The following NOS1 variants were observed in gnomAD, a reference collection of about 807,000 sequenced individuals.
The protein encoded by NOS1 is nitric oxide synthase 1.
Under a neutral mutation model 164.5 loss-of-function variants are expected in NOS1, and 51 were observed. That is an observed-to-expected ratio of 0.31 (90% CI 0.25 to 0.39). The LOEUF is 0.39. Ranked by LOEUF, NOS1 falls within the 10% of genes least tolerant of loss-of-function variation. The pLI is 1.00. For synonymous variants in NOS1, 719 were observed against 745.8 expected (o/e 0.96, Z 0.59); for missense variants, 1,362 against 1,885.6 (o/e 0.72, Z 5.14).
At chr12:117,250,578 C>T (rs1358642535) in intron 17 of NOS1, among the ~76,000 whole-genome samples, 1 of 152,196 alleles carries the variant, frequency 6.6e-6, no homozygotes, top group Non-Finnish European at 1.5e-5. Flanking sequence ...ATCCACACAC[C>T]TTGGCCTCCC....
chr12:117,215,869 CTTTTTTTTTT>C (rs34665031), intron 28 of NOS1, among the ~76,000 whole-genome samples: 1 of 85,428 alleles, frequency 1.2e-5, no homozygotes, highest in Non-Finnish European at 2.1e-5. Flanking sequence ...TTTAAAAGGA[CTTTTTTTTTT>C]TTTTTTTTTT....
intron 7 of NOS1, among the ~76,000 whole-genome samples, chr12:117,281,519 C>CA (rs56248436): frequency 0.39 from 19,592 of 50,594 alleles, 4,351 homozygotes; most frequent in East Asian, 0.47. Context: ...GACTCCATCT[C>CA]AAAAAAAAAA....
intron 2 of NOS1, among the ~76,000 whole-genome samples, chr12:117,316,071 G>A (rs1485198998): frequency 6.6e-6 from 1 of 152,190 alleles, no homozygotes; most frequent in African/African-American, 2.4e-5. Context: ...TATTGTCATG[G>A]AGGAACTAAA....
At chr12:117,289,347 G>A (rs1872899667) in intron 4 of NOS1, among the ~76,000 whole-genome samples, 1 of 152,200 alleles carries the variant, frequency 6.6e-6, no homozygotes, top group Admixed American at 6.5e-5. Context: ...TCCACCAGTG[G>A]TTCTCAAACA....
intron 3 of NOS1, among the ~76,000 whole-genome samples, chr12:117,303,408 A>G (rs923388325): frequency 6.6e-6 from 1 of 152,194 alleles, no homozygotes; most frequent in Non-Finnish European, 1.5e-5. Context: ...AGCAGCTAGC[A>G]AGCCCTGCGT....
chr12:117,277,686 C>T (rs1484028636), intron 9 of NOS1, among the ~76,000 whole-genome samples: 1 of 152,176 alleles, frequency 6.6e-6, no homozygotes, highest in African/African-American at 2.4e-5. Context: ...TCTTTCAATG[C>T]TTAGGGCTGG....
chr12:117,211,562 G>A lies in NOS1; in HGVS notation c.*3747C>T, dbSNP rs542571456. ...TGTAATGCCACTCACCTCTCCCCAC[G>A]GTCTGGTCCCAGCCCACCTTTTCTC... On this transcript the variant is annotated 3_prime_UTR_variant, in exon 29 of 29. Transcript: ENST00000317775. The A allele has an allele frequency of 2.1e-5, 21 of 985,338 alleles. No individual in the cohort carries two copies. Among genetic ancestry groups the A allele is most frequent in the Admixed American group, 1.8e-4 (3 of 16,254 alleles). 61.0% of individuals were successfully genotyped at this position (985,338 alleles called of 1,614,324 possible).
chr12:117,221,934 A>C (rs1259332166), intron 26 of NOS1, among the ~76,000 whole-genome samples: 1 of 149,902 alleles, frequency 6.7e-6, no homozygotes, highest in African/African-American at 2.5e-5. Context: ...TGCTGGGATT[A>C]CAGGCGTGAG....
chr12:117,332,507 G>A lies in NOS1; in HGVS notation c.-420-1018C>T, dbSNP rs566906452. 9.2e-5 allele frequency among the ~76,000 whole-genome samples: 14 copies of A among 152,100 alleles called. No homozygotes were observed. In the East Asian group the frequency reaches 2.1e-3, roughly 23 times the overall value. ...TTTGGGAGGCTGAGGTGGGAGGATC[G>A]CATTAGCCCAGGAGTTTGAGACCAG... On this transcript the variant is annotated intron_variant, in intron 1 of 28. Transcript: ENST00000317775.
chr12:117,237,756 G>A (rs948886174), intron 20 of NOS1, among the ~76,000 whole-genome samples: 2 of 152,148 alleles, frequency 1.3e-5, no homozygotes, highest in African/African-American at 4.8e-5. Flanking sequence ...AGGTAACAAG[G>A]TTCATTCATT....
Position 117,272,547 on chromosome 12 carries a change from G to C in NOS1, c.1677C>G (p.Phe559Leu). Reference protein sequence around the residue: ...VPIRHPKFEWFKDLGLKWYGL... With the variant: ...VPIRHPKFEWLKDLGLKWYGL... ...CGTACCACTTCAGCCCCAGGTCCTT[G>C]AACCACTCAAACCTGCAGGGAGCAA... is the stretch of plus-strand genomic sequence containing the variant. Residue 559 changes from phenylalanine to leucine, a missense_variant, in exon 10 of 29, where the codon TTC becomes TTG. By Grantham distance (22) the Phe-to-Leu change is conservative. This residue lies in a region of NOS1 where 134 missense variants were observed against 267.3 expected (regional missense o/e 0.50). Coordinates refer to ENST00000317775, the MANE Select transcript of NOS1 (RefSeq NM_000620.5). The surrounding 1 kb of genome is among the most constrained non-coding windows in gnomAD (Gnocchi z 4.3). The C allele has an allele frequency of 6.2e-7, 1 of 1,613,970 alleles. No homozygotes were observed. Among genetic ancestry groups the C allele is most frequent in the South Asian group, 1.1e-5 (1 of 91,044 alleles).
intron 1 of NOS1, among the ~76,000 whole-genome samples, chr12:117,360,441 C>A (rs1877081027): frequency 6.6e-6 from 1 of 152,260 alleles, no homozygotes; most frequent in Non-Finnish European, 1.5e-5. Context: ...CAGCCCCGAA[C>A]CGTGGCGGAA....
At chr12:117,340,402 C>T (rs1184642161) in intron 1 of NOS1, among the ~76,000 whole-genome samples, 1 of 152,134 alleles carries the variant, frequency 6.6e-6, no homozygotes, top group Non-Finnish European at 1.5e-5. Context: ...GCTTTGTGAT[C>T]GTGGGCAAGT....
chr12:117,234,655 C>T lies in NOS1; in HGVS notation c.3145G>A (p.Val1049Met), dbSNP rs1178704994. Residue 1049 changes from valine to methionine, a missense_variant, in exon 21 of 29, where the codon GTG becomes ATG. By Grantham distance (21) the Val-to-Met change is conservative (BLOSUM62 1). Coordinates refer to ENST00000317775, the MANE Select transcript of NOS1 (RefSeq NM_000620.5). This position sits in a 1 kb window ranked among gnomAD's most constrained non-coding sequence, Gnocchi z 4.3. ...TCCAGCCGCTCGATCAGGGCATTCA[C>T]GAGGTCCTCGTGGTTGCCAGGGAAG... ...GVFPGNHEDL[V>M]NALIERLEDA... 1.2e-6 allele frequency: 2 copies of T among 1,614,078 alleles called. No individual in the cohort carries two copies. Among genetic ancestry groups the T allele is most frequent in the Non-Finnish European group, 8.5e-7 (1 of 1,180,040 alleles).
Position 117,209,631 on chromosome 12 carries a change from A to T in NOS1, c.*5678T>A. On this transcript the variant is annotated 3_prime_UTR_variant, in exon 29 of 29. Transcript: ENST00000317775. The stretch of plus-strand genomic sequence containing the variant: ...GAACAAAACAAACTCATATAAACAT[A>T]CTAAGGCATATTGACAGCTGACCAC... 1 of 985,496 alleles carries T rather than the reference A, an allele frequency of 1.0e-6. No homozygotes were observed. Among genetic ancestry groups the T allele is most frequent in the Non-Finnish European group, 1.2e-6 (1 of 829,942 alleles). The allele number at this position is 985,496 out of a possible 1,614,324, so 61.0% of individuals were successfully genotyped here.
chr12:117,354,771 T>A (rs542301968), intron 1 of NOS1, among the ~76,000 whole-genome samples: 2 of 152,322 alleles, frequency 1.3e-5, no homozygotes, highest in South Asian at 4.1e-4. Flanking sequence ...GGGTAGGGAC[T>A]CTGTCTTCCC....
intron 1 of NOS1, among the ~76,000 whole-genome samples, chr12:117,353,297 GTCTA>G (rs142051757): frequency 0.012 from 1,746 of 151,522 alleles, 27 homozygotes; most frequent in African/African-American, 0.04. Flanking sequence ...CTATCTATCT[GTCTA>G]TCTATCATCT....
chr12:117,283,362 G>T (rs2079518470), intron 7 of NOS1, among the ~76,000 whole-genome samples: 1 of 152,134 alleles, frequency 6.6e-6, no homozygotes, highest in Non-Finnish European at 1.5e-5. Flanking sequence ...GCGCCCAGCT[G>T]CATGGTATAC....
intron 2 of NOS1, among the ~76,000 whole-genome samples, chr12:117,319,779 CT>C (rs749865085): frequency 1.1e-4 from 17 of 152,210 alleles, no homozygotes; most frequent in Non-Finnish European, 2.2e-4. Context: ...TTGAGTTCCT[CT>C]CTTTGGAGGA....
Sources: gnomAD v4.1 joint callset for allele counts (sites outside exome capture counted in the v4.1 genomes callset) on GRCh38, gnomAD v4.1.1 for gene constraint, gnomAD v4.1.1 regional missense constraint, Gnocchi (gnomAD v3.1) non-coding constraint, MANE v1.5 for transcripts, NCBI Gene and HGNC (gene_info 2026-07-23, HGNC 2026-07-21) for gene names.